The following LARGE1 variants were observed in gnomAD, a reference collection of about 807,000 sequenced individuals.
LARGE1 encodes the protein LARGE xylosyl- and glucuronyltransferase 1, also known as xylosyl- and glucuronyltransferase LARGE1.
In LARGE1, 43 loss-of-function variants were observed where a neutral mutation model predicts 87.6. That is an observed-to-expected ratio of 0.49 (90% CI 0.38 to 0.63). LARGE1 has a LOEUF of 0.63. Ranked by LOEUF, LARGE1 falls within the 30% of genes least tolerant of loss-of-function variation. The pLI is 0.00. For missense variants in LARGE1, 802 were observed against 1,000.2 expected, an observed-to-expected ratio of 0.80 and a Z score of 2.67; for synonymous variants, 434 against 394.6, an observed-to-expected ratio of 1.10 and a Z score of -1.18.
At chr22:33,799,749 C>T (rs2086101992) in intron 1 of LARGE1, among the ~76,000 whole-genome samples, 1 of 152,130 alleles carries the variant, frequency 6.6e-6, no homozygotes. Context: ...AACATTCTCA[C>T]AAACAAAAGC....
intron 1 of LARGE1, among the ~76,000 whole-genome samples, chr22:33,884,255 G>A (rs537004959): frequency 5.9e-5 from 9 of 152,194 alleles, no homozygotes; most frequent in African/African-American, 1.4e-4. Context: ...GCAGCTGTCC[G>A]TCCACACTGC....
intron 2 of LARGE1, among the ~76,000 whole-genome samples, chr22:33,675,452 G>A (rs1209939865): frequency 6.6e-6 from 1 of 152,086 alleles, no homozygotes; most frequent in Non-Finnish European, 1.5e-5. Context: ...CATAGACTGT[G>A]GCAGAGCAGC....
chr22:33,714,376 G>A (rs1375177932), intron 2 of LARGE1, among the ~76,000 whole-genome samples: 1 of 152,154 alleles, frequency 6.6e-6, no homozygotes, highest in Non-Finnish European at 1.5e-5. Context: ...TGTGTACCAT[G>A]GAGACGTTCC....
At chr22:33,528,131 G>C (rs1390433383) in intron 6 of LARGE1, among the ~76,000 whole-genome samples, 2 of 144,822 alleles carry the variant, frequency 1.4e-5, no homozygotes, top group Non-Finnish European at 3.0e-5. Flanking sequence ...GGCAGAGGTC[G>C]GGGGGGGCGG....
At chr22:33,630,032 T>C (rs2080054987) in intron 3 of LARGE1, among the ~76,000 whole-genome samples, 1 of 152,254 alleles carries the variant, frequency 6.6e-6, no homozygotes, top group African/African-American at 2.4e-5. Flanking sequence ...ACCCCATTTC[T>C]ACTAAAAATA....
intron 5 of LARGE1, among the ~76,000 whole-genome samples, chr22:33,582,960 G>A (rs2078565484): frequency 6.6e-6 from 1 of 152,216 alleles, no homozygotes; most frequent in Admixed American, 6.5e-5. Flanking sequence ...TGTGCCCCCT[G>A]CGGATACTGT....
At chr22:33,187,745 T>C (rs1923553916) in intron 11 of LARGE1, among the ~76,000 whole-genome samples, 2 of 151,618 alleles carry the variant, frequency 1.3e-5, no homozygotes, top group East Asian at 1.9e-4. Flanking sequence ...AGTGAAATCC[T>C]GTCTCTACGA....
At chr22:33,582,576 G>A (rs920123983) in intron 5 of LARGE1, among the ~76,000 whole-genome samples, 8 of 152,202 alleles carry the variant, frequency 5.3e-5, no homozygotes, top group African/African-American at 1.9e-4. Flanking sequence ...CTTGGCTGAA[G>A]GCAATGAACT....
At chr22:33,623,921 T>C (rs2079837096) in intron 4 of LARGE1, among the ~76,000 whole-genome samples, 3 of 151,964 alleles carry the variant, frequency 2.0e-5, no homozygotes, top group African/African-American at 4.8e-5. Flanking sequence ...TCCAAGCTAC[T>C]TGGGCAGCTG....
the LARGE1 span, among the ~76,000 whole-genome samples, chr22:33,066,869 A>G: frequency 6.6e-6 from 1 of 152,140 alleles, no homozygotes; most frequent in Non-Finnish European, 1.5e-5. Context: ...CATCGGCAAG[A>G]ACAGATTCAG....
intron 6 of LARGE1, among the ~76,000 whole-genome samples, chr22:33,505,274 G>C (rs1272374626): frequency 2.0e-5 from 3 of 152,236 alleles, no homozygotes; most frequent in African/African-American, 7.2e-5. Flanking sequence ...CCATCCTGTA[G>C]CCTCTGCAGA....
chr22:33,891,614 C>T (rs2065009080), intron 1 of LARGE1, among the ~76,000 whole-genome samples: 1 of 152,146 alleles, frequency 6.6e-6, no homozygotes, highest in South Asian at 2.1e-4. Context: ...CTCTTCAGAT[C>T]ATGAGGAGGA....
At chr22:33,358,920 C>T (rs531775525) in intron 9 of LARGE1, among the ~76,000 whole-genome samples, 1 of 151,788 alleles carries the variant, frequency 6.6e-6, no homozygotes, top group South Asian at 2.1e-4. Flanking sequence ...ATGGTGTGAA[C>T]CCGGGAGGTG....
At chr22:33,677,120 C>T (rs75898193) in intron 2 of LARGE1, among the ~76,000 whole-genome samples, 5,602 of 152,016 alleles carry the variant, frequency 0.037, 123 homozygotes, top group Middle Eastern at 0.061. Flanking sequence ...GCATTAGAAC[C>T]CAGGTGTGTT....
intron 2 of LARGE1, among the ~76,000 whole-genome samples, chr22:33,720,431 C>G (rs528756961): frequency 2.6e-5 from 4 of 152,254 alleles, no homozygotes; most frequent in Middle Eastern, 3.4e-3. Flanking sequence ...AGGCCACGGA[C>G]TGGTACCAGG....
chr22:33,127,799 C>T, the LARGE1 span, among the ~76,000 whole-genome samples: 1 of 152,116 alleles, frequency 6.6e-6, no homozygotes, highest in East Asian at 1.9e-4. Flanking sequence ...ACCACATATC[C>T]CTTTCTGAAA....
chr22:33,530,096 T>C (rs562492592), intron 6 of LARGE1, among the ~76,000 whole-genome samples: 90 of 152,316 alleles, frequency 5.9e-4, no homozygotes, highest in African/African-American at 2.1e-3. Context: ...GAAGTCTGCT[T>C]TGGAGGTTCC....
chr22:33,425,930 T>A (rs2066860557), intron 7 of LARGE1, among the ~76,000 whole-genome samples: 1 of 152,150 alleles, frequency 6.6e-6, no homozygotes. Context: ...GTATTTTTAG[T>A]AGAGACAGGG....
At chr22:33,780,402 C>T (rs962355754) in intron 1 of LARGE1, among the ~76,000 whole-genome samples, 21 of 151,698 alleles carry the variant, frequency 1.4e-4, no homozygotes, top group African/African-American at 4.6e-4. Context: ...TTCAGTTCCA[C>T]GGGGTCAGTG....
Sources: allele counts gnomAD v4.1 joint callset (sites outside exome capture counted in the v4.1 genomes callset), GRCh38; gene constraint gnomAD v4.1.1; transcripts MANE v1.5; gene names NCBI Gene and HGNC (gene_info 2026-07-23, HGNC 2026-07-21).